The following SAE1 variants were observed in gnomAD, a reference collection of about 807,000 sequenced individuals.
The protein encoded by SAE1 is SUMO-activating enzyme subunit 1.
A neutral mutation model predicts 40.6 loss-of-function variants in SAE1; 11 were observed. The ratio of observed to expected loss-of-function variants is 0.27; its 90% CI spans 0.17 to 0.45. SAE1 has a LOEUF of 0.45. SAE1 is among the 20% of genes least tolerant of loss of function. The pLI is 1.00. For missense variants in SAE1, 373 were observed against 427.3 expected (o/e 0.87, Z 1.12); for synonymous variants, 155 against 154.3 (o/e 1.00, Z -0.03).
At chr19:47,169,433 C>G (rs532153762) in intron 5 of SAE1, among the ~76,000 whole-genome samples, 1 of 151,844 alleles carries the variant, frequency 6.6e-6, no homozygotes, top group Non-Finnish European at 1.5e-5. Flanking sequence ...TTTGTAGAGA[C>G]GGGGGTTTCA....
intron 5 of SAE1, among the ~76,000 whole-genome samples, chr19:47,157,979 C>A (rs2058334282): frequency 6.6e-6 from 1 of 151,752 alleles, no homozygotes; most frequent in African/African-American, 2.4e-5. Context: ...CACAGATGGC[C>A]CTGTGATTTC....
chr19:47,141,437 C>T lies in SAE1; in HGVS notation c.99-2057C>T, dbSNP rs567516908. ...GATTACAGGCATGAGTCACCGGGCC[C>T]GGCTGAATAATGAATTTTAAACAAC... is the stretch of plus-strand genomic sequence containing the variant. On this transcript the variant is annotated intron_variant, in intron 1 of 8. Coordinates refer to ENST00000270225, the MANE Select transcript of SAE1 (RefSeq NM_005500.3). Among the ~76,000 whole-genome samples, 8 of 152,224 alleles carry T rather than the reference C, an allele frequency of 5.3e-5. No homozygotes were observed. The South Asian group carries it at 1.0e-3, about 20-fold the overall frequency.
Position 47,209,385 on chromosome 19 carries a change from C to A in SAE1, c.*134C>A. 6.7e-7 allele frequency: 1 copy of A among 1,482,146 alleles called. No individual in the cohort carries two copies. Among genetic ancestry groups the A allele is most frequent in the South Asian group, 1.2e-5 (1 of 81,096 alleles). 91.8% of individuals were successfully genotyped at this position (1,482,146 alleles called of 1,614,324 possible). A position where few individuals can be genotyped will look rare whatever the true frequency, so the allele number is the denominator to read the frequency against. On this transcript the variant is annotated 3_prime_UTR_variant, in exon 9 of 9. Coordinates refer to ENST00000270225, the MANE Select transcript of SAE1 (RefSeq NM_005500.3). Reference sequence around the variant, plus strand: ...GCCCGATACAAAACATTTCCTGCAACGAAGGAGGTGGTGCCGACGTGCTGC... The same window carrying A: ...GCCCGATACAAAACATTTCCTGCAAAGAAGGAGGTGGTGCCGACGTGCTGC...
intron 5 of SAE1, among the ~76,000 whole-genome samples, chr19:47,161,751 A>C (rs551989441): frequency 6.6e-6 from 1 of 152,270 alleles, no homozygotes; most frequent in African/African-American, 2.4e-5. Context: ...CACCCTCCTC[A>C]GTTGGGTTTC....
At chr19:47,175,944 A>C (rs2058466180) in intron 6 of SAE1, among the ~76,000 whole-genome samples, 1 of 152,210 alleles carries the variant, frequency 6.6e-6, no homozygotes, top group African/African-American at 2.4e-5. Flanking sequence ...CTGTTAGATA[A>C]GCATCATAGT....
At chr19:47,189,944 AT>A (rs1476795294) in intron 6 of SAE1, among the ~76,000 whole-genome samples, 1 of 152,224 alleles carries the variant, frequency 6.6e-6, no homozygotes, top group Non-Finnish European at 1.5e-5. Flanking sequence ...CTGAGATTAA[AT>A]TTGAATTTGA....
intron 6 of SAE1, among the ~76,000 whole-genome samples, chr19:47,172,211 G>A (rs192734275): frequency 2.0e-4 from 30 of 152,364 alleles, no homozygotes; most frequent in African/African-American, 6.7e-4. Flanking sequence ...GAGCCACCAC[G>A]CTCAGCTGGA....
chr19:47,158,789 G>A (rs2058339583), intron 5 of SAE1, among the ~76,000 whole-genome samples: 1 of 152,170 alleles, frequency 6.6e-6, no homozygotes, highest in South Asian at 2.1e-4. Flanking sequence ...GAAATTAAGT[G>A]ACCTGACCAA....
At chr19:47,207,856 G>A (rs1322892594) in intron 8 of SAE1, among the ~76,000 whole-genome samples, 4 of 151,804 alleles carry the variant, frequency 2.6e-5, no homozygotes, top group Admixed American at 6.6e-5. Flanking sequence ...GGCTGGTCTC[G>A]AACTCCTGGG....
chr19:47,205,416 C>T (rs778424084), intron 8 of SAE1, among the ~76,000 whole-genome samples: 1 of 151,332 alleles, frequency 6.6e-6, no homozygotes, highest in Non-Finnish European at 1.5e-5. Context: ...TAATGGGCAC[C>T]GAGGAGATAT....
intron 6 of SAE1, among the ~76,000 whole-genome samples, chr19:47,196,928 A>G (rs1226692982): frequency 6.6e-6 from 1 of 151,868 alleles, no homozygotes; most frequent in African/African-American, 2.4e-5. Context: ...CACACCTGTA[A>G]TCCCAGCACT....
Position 47,158,627 on chromosome 19 carries a change from G to A in SAE1, c.627+3414G>A, listed in dbSNP as rs562057686. Among the ~76,000 whole-genome samples the A allele has an allele frequency of 3.9e-5, 6 of 152,346 alleles. No individual in the cohort carries two copies. The South Asian group carries it at 8.3e-4, about 21-fold the overall frequency. ...AAGTAGGATAAACCGAAAGACGGAC[G>A]TAGGGGCAGAGTTGCTGTGGCTGCC... On this transcript the variant is annotated intron_variant, in intron 5 of 8. Coordinates refer to ENST00000270225, the MANE Select transcript of SAE1 (RefSeq NM_005500.3).
intron 6 of SAE1, among the ~76,000 whole-genome samples, chr19:47,191,506 G>A (rs1023054625): frequency 6.6e-6 from 1 of 152,160 alleles, no homozygotes; most frequent in African/African-American, 2.4e-5. Flanking sequence ...AGCAGATGGA[G>A]GCAAAGCTGT....
At chr19:47,153,148 G>A in intron 4 of SAE1, 108 bp downstream of exon 4, 2 of 1,005,676 alleles carry the variant, frequency 2.0e-6, no homozygotes, top group Non-Finnish European at 2.8e-6. Flanking sequence ...ATGCTATGTT[G>A]TTCAAGCTGG....
In SAE1 at chr19:47,203,861, A is replaced by G; in HGVS notation, c.948+121A>G. 6 of 872,584 alleles carry G rather than the reference A, an allele frequency of 6.9e-6. No homozygotes were observed. In the South Asian group the frequency reaches 9.2e-5, roughly 13 times the overall value. 54.1% of individuals were successfully genotyped at this position (872,584 alleles called of 1,614,324 possible). On this transcript the variant is annotated intron_variant, in intron 8 of 8. Coordinates refer to ENST00000270225, the MANE Select transcript of SAE1 (RefSeq NM_005500.3). The stretch of plus-strand genomic sequence containing the variant: ...CTCTCACCCCATTCATCTTTGTTTC[A>G]TGCCCTCCCCATTTCCACCTCATCC...
chr19:47,191,400 GCA>G (rs1215948369), intron 6 of SAE1, among the ~76,000 whole-genome samples: 1 of 152,196 alleles, frequency 6.6e-6, no homozygotes, highest in Non-Finnish European at 1.5e-5. Flanking sequence ...TATAGCCAAA[GCA>G]GAGGATATTG....
At chr19:47,172,799 A>T (rs1011257086) in intron 6 of SAE1, among the ~76,000 whole-genome samples, 1 of 151,956 alleles carries the variant, frequency 6.6e-6, no homozygotes, top group African/African-American at 2.4e-5. Flanking sequence ...AAAAAAGCAC[A>T]TATCTTCACG....
chr19:47,157,868 C>T (rs1395176625), intron 5 of SAE1, among the ~76,000 whole-genome samples: 1 of 152,158 alleles, frequency 6.6e-6, no homozygotes, highest in Non-Finnish European at 1.5e-5. Context: ...CAAACCTTGC[C>T]TTTGTGCAGC....
At chr19:47,189,650 T>G (rs890440644) in intron 6 of SAE1, among the ~76,000 whole-genome samples, 1 of 152,066 alleles carries the variant, frequency 6.6e-6, no homozygotes, top group African/African-American at 2.4e-5. Context: ...GGGGCCGAGG[T>G]GTCTGGCACA....
Sources: allele counts gnomAD v4.1 joint callset (sites outside exome capture counted in the v4.1 genomes callset), GRCh38; gene constraint gnomAD v4.1.1; transcripts MANE v1.5; gene names NCBI Gene and HGNC (gene_info 2026-07-23, HGNC 2026-07-21).